Variants in DOCK8 observed in about 807,000 individuals in gnomAD.
DOCK8 encodes dedicator of cytokinesis 8.
In DOCK8, 141 loss-of-function variants were observed where a neutral mutation model predicts 245.6. The observed-to-expected ratio is 0.57, with a 90% CI of 0.50 to 0.66. The LOEUF is 0.66. Ranked by LOEUF, DOCK8 falls within the 30% of genes least tolerant of loss-of-function variation. The pLI, the probability that DOCK8 is intolerant of heterozygous loss-of-function variation, is 0.00. For missense variants in DOCK8, 2,965 were observed against 2,603.4 expected (o/e 1.14, Z -3.02); for synonymous variants, 1,168 against 970.2 (o/e 1.20, Z -3.79).
At position 415,895 on chromosome 9, in the gene DOCK8, A is replaced by T. The variant is rs545966398; in HGVS notation, c.3700+944A>T. Among the ~76,000 whole-genome samples, 473 of 152,266 alleles carry T rather than the reference A, an allele frequency of 3.1e-3. 1 individual carries two copies. Among genetic ancestry groups the T allele is most frequent in the African/African-American group, 0.011 (460 of 41,562 alleles). ...CATCCAGGTTTTCCCACCTCCTCCA[A>T]ATGGAAAGTGTCATGTGTGACTAAA... On this transcript the variant is annotated intron_variant, in intron 29 of 47. Coordinates refer to ENST00000432829, the MANE Select transcript of DOCK8 (RefSeq NM_203447.4).
intron 14 of DOCK8, among the ~76,000 whole-genome samples, chr9:351,708 G>A (rs1254921704): frequency 6.6e-6 from 1 of 152,202 alleles, no homozygotes; most frequent in African/African-American, 2.4e-5. Flanking sequence ...GTGAAGAACA[G>A]GAAGTTTGCC....
At chr9:241,898 G>A (rs2047382001) in intron 1 of DOCK8, among the ~76,000 whole-genome samples, 1 of 152,154 alleles carries the variant, frequency 6.6e-6, no homozygotes, top group Admixed American at 6.5e-5. Flanking sequence ...ACAGAGGTGA[G>A]CCACAGCACC....
intron 44 of DOCK8, among the ~76,000 whole-genome samples, chr9:449,338 A>C (rs1282156092): frequency 1.4e-5 from 2 of 144,958 alleles, no homozygotes; most frequent in Middle Eastern, 3.2e-3. Context: ...CAACAAGAGC[A>C]AAACTCCATC....
chr9:398,483 A>G (rs573765555), intron 25 of DOCK8, among the ~76,000 whole-genome samples: 1 of 152,338 alleles, frequency 6.6e-6, no homozygotes, highest in South Asian at 2.1e-4. Context: ...GAAAAACTGA[A>G]TCCCAGATTG....
intron 4 of DOCK8, among the ~76,000 whole-genome samples, chr9:294,116 C>G (rs946710006): frequency 1.3e-5 from 2 of 152,084 alleles, no homozygotes; most frequent in African/African-American, 4.8e-5. Context: ...AATAACTGTC[C>G]ATGTCAGAGC....
At chr9:218,779 A>G (rs1319513576) in intron 1 of DOCK8, among the ~76,000 whole-genome samples, 1 of 152,222 alleles carries the variant, frequency 6.6e-6, no homozygotes, top group East Asian at 1.9e-4. Flanking sequence ...AAAAAACATT[A>G]ACCCTCTTGT....
intron 17 of DOCK8, 64 bp downstream of exon 17, chr9:371,630 G>A: frequency 1.9e-6 from 3 of 1,605,122 alleles, no homozygotes; most frequent in Middle Eastern, 1.7e-4. Context: ...TCCCTGCAGA[G>A]ATAAACAACC....
At chr9:400,105 A>G (rs1488868736) in intron 26 of DOCK8, among the ~76,000 whole-genome samples, 2 of 87,242 alleles carry the variant, frequency 2.3e-5, no homozygotes, top group African/African-American at 1.6e-4. Context: ...CACCACCACC[A>G]CCTCCACCAC....
intron 24 of DOCK8, among the ~76,000 whole-genome samples, chr9:394,165 C>A (rs1177435289): frequency 6.6e-6 from 1 of 152,182 alleles, no homozygotes; most frequent in African/African-American, 2.4e-5. Flanking sequence ...CTCCTGTTGG[C>A]CAACTCCAAC....
intron 29 of DOCK8, 63 bp downstream of exon 29, chr9:415,014 A>G: frequency 6.3e-7 from 1 of 1,596,724 alleles, no homozygotes; most frequent in Non-Finnish European, 8.6e-7. Context: ...CCCCATCCGA[A>G]TGAGATCTCT....
At chr9:365,526 A>G (rs944072036) in intron 14 of DOCK8, 25 of 438,848 alleles carry the variant, frequency 5.7e-5, no homozygotes, top group African/African-American at 4.7e-4. Flanking sequence ...AGTAATGATA[A>G]TAATAGAAGT....
intron 1 of DOCK8, among the ~76,000 whole-genome samples, chr9:242,223 G>A (rs2047390002): frequency 2.0e-5 from 3 of 152,006 alleles, no homozygotes; most frequent in Admixed American, 6.6e-5. Flanking sequence ...TGCCTAGTGG[G>A]TCCACTCCCC....
In DOCK8 at chr9:390,551, C is replaced by T. The variant is rs756667157; in HGVS notation, c.2955C>T (p.Phe985=). 2 of 1,614,110 alleles carry T rather than the reference C, an allele frequency of 1.2e-6. No homozygotes were observed. Among genetic ancestry groups the T allele is most frequent in the South Asian group, 1.1e-5 (1 of 91,086 alleles). Residue 985 remains phenylalanine, a synonymous_variant, in exon 24 of 48, where the codon TTC becomes TTT. Coordinates refer to ENST00000432829, the MANE Select transcript of DOCK8 (RefSeq NM_203447.4). ...AAACAGTCTTCAAGTATGCCTGGTT[C>T]TTCTTTGAGCTTCTGGTGAGATTCT... is the stretch of plus-strand genomic sequence containing the variant. The part of the protein sequence containing the change: ...VRETVFKYAW[F]FFELLVKSMA...
At chr9:451,358 C>T (rs939069222) in intron 45 of DOCK8, among the ~76,000 whole-genome samples, 1 of 151,862 alleles carries the variant, frequency 6.6e-6, no homozygotes, top group Non-Finnish European at 1.5e-5. Context: ...GTATGGTGCG[C>T]ACGCCTGTAA....
chr9:412,559 A>T (rs1207986245), intron 28 of DOCK8, among the ~76,000 whole-genome samples: 5 of 152,232 alleles, frequency 3.3e-5, no homozygotes, highest in Non-Finnish European at 7.3e-5. Flanking sequence ...AAATGAATTC[A>T]GCAGTGTTGC....
Position 403,980 on chromosome 9 carries a change from A to G in DOCK8, c.3235-938A>G, listed in dbSNP as rs1320600862. 4.4e-4 allele frequency among the ~76,000 whole-genome samples: 34 copies of G among 78,124 alleles called. 3 individuals carry two copies. The South Asian group carries it at 6.4e-3, about 15-fold the overall frequency. 51.3% of individuals were successfully genotyped at this position (78,124 alleles called of 152,430 possible). Reference sequence around the variant, plus strand: ...TATATGTATATATATATATATGTGTATATATATATATGTGTATATATATAT... The same window carrying G: ...TATATGTATATATATATATATGTGTGTATATATATATGTGTATATATATAT... On this transcript the variant is annotated intron_variant, in intron 26 of 47. Transcript: ENST00000432829.
intron 45 of DOCK8, among the ~76,000 whole-genome samples, chr9:450,786 C>A (rs1245013472): frequency 6.7e-6 from 1 of 149,108 alleles, no homozygotes; most frequent in East Asian, 1.9e-4. Flanking sequence ...AAATGGAAGA[C>A]TTTCCAAGCC....
intron 14 of DOCK8, among the ~76,000 whole-genome samples, chr9:353,268 T>C (rs772250436): frequency 1.6e-5 from 1 of 63,628 alleles, no homozygotes; most frequent in Non-Finnish European, 4.9e-5. Flanking sequence ...GATATGTTTA[T>C]AGAGGCAGCT....
At position 372,260 on chromosome 9, in the gene DOCK8, C is replaced by T; in HGVS notation, c.2083C>T (p.Pro695Ser). The T allele has an allele frequency of 6.2e-7, 1 of 1,614,046 alleles. No homozygotes were observed. The change falls in exon 18 of 48, where the codon CCC (proline) becomes TCC (serine). Residue 695 changes from proline (P) to serine (S), a missense_variant. Coordinates refer to ENST00000432829, the MANE Select transcript of DOCK8 (RefSeq NM_203447.4). ...CLPVALEKLP[P>S]NYSMHSAEKV... is the part of the protein sequence containing the mutation. The stretch of plus-strand genomic sequence containing the variant: ...CCCAGTTGCCTTGGAAAAATTGCCA[C>T]CCAACTACTCCATGCATTCTGCTGA...
Sources: allele counts gnomAD v4.1 joint callset (sites outside exome capture counted in the v4.1 genomes callset), GRCh38; gene constraint gnomAD v4.1.1; transcripts MANE v1.5; gene names NCBI Gene and HGNC (gene_info 2026-07-23, HGNC 2026-07-21).